Variants in MACO1 observed in about 807,000 individuals in gnomAD.
MACO1 encodes the protein macoilin.
Under a neutral mutation model 78.7 loss-of-function variants are expected in MACO1, and 14 were observed. The observed-to-expected ratio is 0.18, with a 90% CI of 0.12 to 0.28. The LOEUF (loss-of-function observed/expected upper bound fraction) is 0.28. Ranked by LOEUF, MACO1 falls within the 10% of genes least tolerant of loss-of-function variation. The probability of loss-of-function intolerance (pLI) is 1.00; values close to 1 mark genes in which losing one functional copy is unlikely to be tolerated. For synonymous variants in MACO1, 288 were observed against 291.6 expected (o/e 0.99, Z 0.12); for missense variants, 501 against 799.0 (o/e 0.63, Z 4.50).
intron 6 of MACO1, among the ~76,000 whole-genome samples, chr1:25,461,350 TTAAAG>T (rs1437055853): frequency 6.6e-6 from 1 of 152,004 alleles, no homozygotes; most frequent in Admixed American, 6.6e-5. Flanking sequence ...ACCCTAAAAC[TTAAAG>T]TATAATAATA....
chr1:25,495,586 G>A (rs2043528457), intron 10 of MACO1, among the ~76,000 whole-genome samples: 1 of 152,090 alleles, frequency 6.6e-6, no homozygotes, highest in Non-Finnish European at 1.5e-5. Flanking sequence ...ATTCTAATAA[G>A]AACCCAACTT....
At chr1:25,441,907 A>AACC (rs2042976412) in intron 1 of MACO1, among the ~76,000 whole-genome samples, 1 of 152,238 alleles carries the variant, frequency 6.6e-6, no homozygotes, top group Admixed American at 6.5e-5. Flanking sequence ...AAGGACAGTC[A>AACC]ACCATTTGGT....
At chr1:25,469,207 A>G (rs1347585123) in intron 6 of MACO1, among the ~76,000 whole-genome samples, 1 of 152,198 alleles carries the variant, frequency 6.6e-6, no homozygotes, top group African/African-American at 2.4e-5. Context: ...GAATCTAGAG[A>G]AATATTTTTA....
At chr1:25,473,605 G>A (rs1287601115) in intron 6 of MACO1, among the ~76,000 whole-genome samples, 1 of 152,200 alleles carries the variant, frequency 6.6e-6, no homozygotes, top group Non-Finnish European at 1.5e-5. Context: ...ACTTTGAAAG[G>A]CTTTGTGTTA....
chr1:25,437,314 T>G (rs2042927750), intron 1 of MACO1, among the ~76,000 whole-genome samples: 1 of 149,714 alleles, frequency 6.7e-6, no homozygotes, highest in African/African-American at 2.5e-5. Context: ...TTTTTTTTTT[T>G]TTTTTTTGCG....
intron 1 of MACO1, among the ~76,000 whole-genome samples, chr1:25,444,089 T>TA (rs961966721): frequency 6.6e-6 from 1 of 151,734 alleles, no homozygotes; most frequent in African/African-American, 2.4e-5. Flanking sequence ...ACGTCTCTAC[T>TA]AAAAAAATAC....
Position 25,491,459 on chromosome 1 carries a change from C to T in MACO1, c.1667C>T (p.Ser556Leu). The change falls in exon 10 of 11, where the codon TCA (serine) becomes TTA (leucine). Residue 556 changes from serine to leucine, a missense_variant. By Grantham distance (145) the Ser-to-Leu change is moderately radical (BLOSUM62 -2). This residue lies in a region of MACO1 where 11 missense variants were observed against 47.7 expected (regional missense o/e 0.23). Transcript: ENST00000374343. ...ENEKDTEVLM[S>L]ALSAMQDKTQ... The stretch of plus-strand genomic sequence containing the variant: ...GAGAAGGACACTGAGGTGTTAATGT[C>T]AGCCCTCTCAGCCATGCAAGACAAA... 1.9e-6 allele frequency: 3 copies of T among 1,614,232 alleles called. No individual in the cohort carries two copies. Among genetic ancestry groups the T allele is most frequent in the Non-Finnish European group, 2.5e-6 (3 of 1,180,032 alleles).
intron 6 of MACO1, among the ~76,000 whole-genome samples, chr1:25,482,656 A>G (rs2043390900): frequency 6.6e-6 from 1 of 152,188 alleles, no homozygotes; most frequent in African/African-American, 2.4e-5. Flanking sequence ...TCAGACTCAC[A>G]TAGCACTTCT....
At chr1:25,492,619 G>A (rs2043496951) in intron 10 of MACO1, among the ~76,000 whole-genome samples, 1 of 152,100 alleles carries the variant, frequency 6.6e-6, no homozygotes, top group Admixed American at 6.5e-5. Flanking sequence ...CAGACTGTAT[G>A]GGACTTGAGG....
At chr1:25,475,756 T>G (rs2043316696) in intron 6 of MACO1, among the ~76,000 whole-genome samples, 1 of 152,190 alleles carries the variant, frequency 6.6e-6, no homozygotes, top group African/African-American at 2.4e-5. Flanking sequence ...ATATTATATC[T>G]GATTTTGAAA....
At position 25,430,928 on chromosome 1, in the gene MACO1, C is replaced by T. The variant is rs1008157568; in HGVS notation, c.-171C>T. The T allele has an allele frequency of 6.3e-6, 3 of 476,978 alleles. No homozygotes were observed. Among genetic ancestry groups the T allele is most frequent in the Non-Finnish European group, 1.1e-5 (3 of 268,788 alleles). The allele number at this position is 476,978 out of a possible 1,614,324, so 29.5% of individuals were successfully genotyped here. A position where few individuals can be genotyped will look rare whatever the true frequency, so the allele number is the denominator to read the frequency against. The stretch of plus-strand genomic sequence containing the variant: ...TCTTTGTTTCCGAAGGCGGAGGAGG[C>T]TCCGAGCCCCCCCTCCCCGTGCTAC... On this transcript the variant is annotated 5_prime_UTR_variant, in exon 1 of 11. Coordinates refer to ENST00000374343, the MANE Select transcript of MACO1 (RefSeq NM_018202.6).
intron 6 of MACO1, among the ~76,000 whole-genome samples, chr1:25,482,139 T>C (rs2043384674): frequency 6.6e-6 from 1 of 152,162 alleles, no homozygotes; most frequent in Non-Finnish European, 1.5e-5. Context: ...TTGGTTCTGT[T>C]GGTATGTTGA....
chr1:25,490,215 C>T (rs1033681104), intron 9 of MACO1, among the ~76,000 whole-genome samples: 6 of 151,912 alleles, frequency 3.9e-5, no homozygotes, highest in Non-Finnish European at 7.4e-5. Flanking sequence ...AATATTGCAA[C>T]AAATATTATA....
chr1:25,489,364 C>A, intron 9 of MACO1, 71 bp downstream of exon 9: 1 of 1,564,936 alleles, frequency 6.4e-7, no homozygotes, highest in Non-Finnish European at 8.7e-7. Flanking sequence ...CTCTGTGTTG[C>A]AGTGTAGAGA....
At chr1:25,441,705 C>A (rs1407643232) in intron 1 of MACO1, among the ~76,000 whole-genome samples, 3 of 152,144 alleles carry the variant, frequency 2.0e-5, no homozygotes, top group Non-Finnish European at 4.4e-5. Context: ...GGGTCCTAGT[C>A]TTTACTTTGG....
At chr1:25,452,390 A>G (rs2043074644) in intron 3 of MACO1, among the ~76,000 whole-genome samples, 1 of 152,158 alleles carries the variant, frequency 6.6e-6, no homozygotes, top group South Asian at 2.1e-4. Flanking sequence ...CTTTATTTGC[A>G]TCTTATTTTG....
chr1:25,449,423 T>G (rs936053556), intron 3 of MACO1, among the ~76,000 whole-genome samples: 4 of 152,188 alleles, frequency 2.6e-5, no homozygotes, highest in Non-Finnish European at 5.9e-5. Flanking sequence ...CCCTACTCTG[T>G]TTTTGGGCAG....
chr1:25,491,059 T>G (rs552245107), intron 9 of MACO1, among the ~76,000 whole-genome samples: 5 of 152,142 alleles, frequency 3.3e-5, no homozygotes, highest in Non-Finnish European at 7.4e-5. Flanking sequence ...GCAGGTTGAG[T>G]TTTGGCAAGT....
intron 6 of MACO1, among the ~76,000 whole-genome samples, chr1:25,483,760 C>T (rs996592361): frequency 3.3e-5 from 5 of 152,220 alleles, no homozygotes; most frequent in Admixed American, 3.3e-4. Context: ...ATTTCCCTTG[C>T]TGAGGGCATG....
Sources: allele counts gnomAD v4.1 joint callset (sites outside exome capture counted in the v4.1 genomes callset), GRCh38; gene constraint gnomAD v4.1.1; regional missense constraint gnomAD v4.1.1; transcripts MANE v1.5; gene names NCBI Gene and HGNC (gene_info 2026-07-23, HGNC 2026-07-21).